Variants in TENM4 observed in about 807,000 individuals in gnomAD.
The protein encoded by TENM4 is teneurin-4.
TENM4 carries 82 observed loss-of-function variants against 243.3 expected under a neutral mutation model. The ratio of observed to expected loss-of-function variants is 0.34; its 90% CI spans 0.28 to 0.40. The LOEUF (loss-of-function observed/expected upper bound fraction) is 0.40, where lower values mean the gene tolerates loss of function less well. TENM4 is among the 10% of genes least tolerant of loss of function. The pLI is 1.00. For missense variants in TENM4, 3,138 were observed against 3,673.3 expected (o/e 0.85, Z 3.77); for synonymous variants, 1,412 against 1,456.3 (o/e 0.97, Z 0.69).
intron 21 of TENM4, 97 bp downstream of exon 21, chr11:78,732,219 C>T (rs1855685883): frequency 1.1e-5 from 16 of 1,488,730 alleles, no homozygotes; most frequent in Non-Finnish European, 1.4e-5. Context: ...CCAAGCCCTA[C>T]AGAGGTGTTT....
At chr11:79,165,385 G>C (rs944451321) in intron 3 of TENM4, among the ~76,000 whole-genome samples, 3 of 152,150 alleles carry the variant, frequency 2.0e-5, no homozygotes, top group Non-Finnish European at 2.9e-5. Context: ...GCATTTCCCT[G>C]ATCATTAGTG....
chr11:79,106,221 C>A (rs918178872), intron 4 of TENM4, among the ~76,000 whole-genome samples: 1 of 152,184 alleles, frequency 6.6e-6, no homozygotes, highest in Non-Finnish European at 1.5e-5. Flanking sequence ...AAGTCTAGCG[C>A]CAGAGCATAG....
intron 18 of TENM4, among the ~76,000 whole-genome samples, chr11:78,766,545 A>G (rs1316009363): frequency 6.6e-6 from 1 of 152,136 alleles, no homozygotes; most frequent in African/African-American, 2.4e-5. Flanking sequence ...GGTCCCTCTC[A>G]GGAGCCAGTG....
At chr11:78,726,245 A>C in intron 22 of TENM4, 23 bp from the exon 23 acceptor site, 3 of 1,612,828 alleles carry the variant, frequency 1.9e-6, no homozygotes, top group Non-Finnish European at 2.5e-6. Flanking sequence ...GAATGAGGCA[A>C]AATGCATAAG....
At chr11:78,937,262 G>T (rs1470098508) in intron 6 of TENM4, among the ~76,000 whole-genome samples, 1 of 152,128 alleles carries the variant, frequency 6.6e-6, no homozygotes, top group Non-Finnish European at 1.5e-5. Context: ...TTTCTAGTTT[G>T]CAGGATATAG....
At chr11:79,309,744 A>G (rs1330725043) in intron 1 of TENM4, among the ~76,000 whole-genome samples, 1 of 152,210 alleles carries the variant, frequency 6.6e-6, no homozygotes, top group Non-Finnish European at 1.5e-5. Flanking sequence ...ATAGAGAAAC[A>G]GGCCCAGAGA....
At chr11:79,257,993 C>A (rs1003188298) in intron 2 of TENM4, among the ~76,000 whole-genome samples, 5 of 152,178 alleles carry the variant, frequency 3.3e-5, no homozygotes, top group African/African-American at 1.2e-4. Context: ...AGCCTTCTTC[C>A]TGCAAACACC....
At chr11:79,105,135 T>G (rs1204339197) in intron 4 of TENM4, among the ~76,000 whole-genome samples, 1 of 152,150 alleles carries the variant, frequency 6.6e-6, no homozygotes, top group African/African-American at 2.4e-5. Flanking sequence ...GAACCCCAAT[T>G]TCAGTTCGAA....
chr11:78,669,951 G>C lies in TENM4; in HGVS notation c.6394C>G (p.Gln2132Glu). The C allele has an allele frequency of 1.9e-6, 3 of 1,613,728 alleles. No homozygotes were observed. The highest frequency in any genetic ancestry group is 2.5e-6 in the Non-Finnish European group (3 of 1,179,848). ...GTCATGACAGCTGTGGTGATGATCTGGTTAATGTCATAGTAAATGACACCA... is the reference window on the plus strand; with the variant it reads ...GTCATGACAGCTGTGGTGATGATCTCGTTAATGTCATAGTAAATGACACCA... ...KFGVIYYDINQIITTAVMTHT... is the reference protein window; with the variant it reads ...KFGVIYYDINEIITTAVMTHT... The change falls in exon 32 of 34, where the codon CAG becomes GAG. Residue 2132 changes from glutamine to glutamate, a missense_variant. Transcript: ENST00000278550. The surrounding 1 kb of genome is among the most constrained non-coding windows in gnomAD (Gnocchi z 6.4).
At chr11:78,999,465 G>A (rs868492135) in intron 6 of TENM4, among the ~76,000 whole-genome samples, 7 of 151,546 alleles carry the variant, frequency 4.6e-5, no homozygotes, top group Non-Finnish European at 8.8e-5. Context: ...GTAGTGAGCC[G>A]AGATCACACC....
chr11:78,964,638 G>A (rs1857402368), intron 6 of TENM4, among the ~76,000 whole-genome samples: 1 of 152,144 alleles, frequency 6.6e-6, no homozygotes, highest in Non-Finnish European at 1.5e-5. Context: ...CTAGAGGGCT[G>A]AACATTCTGC....
rs529276594 is a variant in TENM4 at position 79,409,642 on chromosome 11, C to T, written c.-321+30867G>A. Among the ~76,000 whole-genome samples, 4 of 152,286 alleles carry T rather than the reference C, an allele frequency of 2.6e-5. No individual in the cohort carries two copies. In the East Asian group the frequency reaches 5.8e-4, roughly 22 times the overall value. ...AGCTCAAATGCAGTCTGCCTGACCA[C>T]GCACACCAGCTGTAGCAGACACTAC... is the stretch of plus-strand genomic sequence containing the variant. On this transcript the variant is annotated intron_variant, in intron 1 of 33. Transcript: ENST00000278550.
intron 1 of TENM4, among the ~76,000 whole-genome samples, chr11:79,333,899 C>T (rs895241522): frequency 1.3e-5 from 2 of 152,186 alleles, no homozygotes; most frequent in African/African-American, 2.4e-5. Flanking sequence ...GCTCTAGAGC[C>T]TGTTTTTTCC....
intron 4 of TENM4, among the ~76,000 whole-genome samples, chr11:79,137,906 T>C (rs1291338600): frequency 1.3e-5 from 2 of 152,024 alleles, no homozygotes; most frequent in Admixed American, 1.3e-4. Flanking sequence ...TGGGTTCAGG[T>C]TGACAAGGGG....
chr11:79,271,990 CTG>C (rs1855977177), intron 2 of TENM4, among the ~76,000 whole-genome samples: 2 of 152,116 alleles, frequency 1.3e-5, no homozygotes, highest in Non-Finnish European at 2.9e-5. Flanking sequence ...CATTTGGTTC[CTG>C]TAACAACCCT....
Position 79,440,474 on chromosome 11 carries a change from G to C in TENM4, c.-321+35C>G, listed in dbSNP as rs1161924730. The C allele has an allele frequency of 6.6e-6, 1 of 152,318 alleles. No homozygotes were observed. Among genetic ancestry groups the C allele is most frequent in the Non-Finnish European group, 1.5e-5 (1 of 68,150 alleles). 9.4% of individuals were successfully genotyped at this position (152,318 alleles called of 1,614,324 possible). A position where few individuals can be genotyped will look rare whatever the true frequency, so the allele number is the denominator to read the frequency against. On this transcript the variant is annotated intron_variant, in intron 1 of 33. Coordinates refer to ENST00000278550, the MANE Select transcript of TENM4 (RefSeq NM_001098816.3). The surrounding 1 kb of genome is among the most constrained non-coding windows in gnomAD (Gnocchi z 4.7). ...GGCGAGGCGTCGCCGCGGTCCCCAA[G>C]GCGCTTTTCCGTAGAGCGGATCACG...
intron 3 of TENM4, among the ~76,000 whole-genome samples, chr11:79,168,732 G>A (rs1312612326): frequency 6.6e-6 from 1 of 152,176 alleles, no homozygotes; most frequent in Non-Finnish European, 1.5e-5. Context: ...CCCATAGGAG[G>A]TGGAGTCCAT....
At chr11:78,757,055 C>G (rs749050334) in intron 18 of TENM4, 34 bp from the exon 19 acceptor site, 1 of 1,584,684 alleles carries the variant, frequency 6.3e-7, no homozygotes, top group Middle Eastern at 1.7e-4. Context: ...GTTTATATTG[C>G]TATGTTCAAT....
At chr11:78,746,102 T>C (rs1200164058) in intron 19 of TENM4, among the ~76,000 whole-genome samples, 3 of 152,140 alleles carry the variant, frequency 2.0e-5, no homozygotes, top group Admixed American at 2.0e-4. Context: ...ACAGGCTCCA[T>C]AGTCTCCTTC....
Sources: gnomAD v4.1 joint callset for allele counts (sites outside exome capture counted in the v4.1 genomes callset) on GRCh38, gnomAD v4.1.1 for gene constraint, Gnocchi (gnomAD v3.1) non-coding constraint, MANE v1.5 for transcripts, NCBI Gene and HGNC (gene_info 2026-07-23, HGNC 2026-07-21) for gene names.